The following SREBF1 variants were observed in gnomAD, a reference collection of about 807,000 sequenced individuals.
SREBF1 encodes the protein sterol regulatory element-binding protein 1.
A neutral mutation model predicts 100.1 loss-of-function variants in SREBF1; 45 were observed. The observed-to-expected ratio is 0.45, with a 90% CI of 0.35 to 0.58. The LOEUF is 0.58. Ranked by LOEUF, SREBF1 falls within the 20% of genes least tolerant of loss-of-function variation. The pLI is 0.00. For synonymous variants in SREBF1, 657 were observed against 681.8 expected (o/e 0.96, Z 0.57); for missense variants, 1,324 against 1,539.4 (o/e 0.86, Z 2.34).
At position 17,836,931 on chromosome 17, in the gene SREBF1, T is replaced by C. The variant is rs534619818; in HGVS notation, c.-114A>G. 2.1e-5 allele frequency: 21 copies of C among 979,678 alleles called. No individual in the cohort carries two copies. In the African/African-American group the frequency reaches 3.5e-4, roughly 16 times the overall value. 60.7% of individuals were successfully genotyped at this position (979,678 alleles called of 1,614,324 possible). On this transcript the variant is annotated 5_prime_UTR_variant, in exon 1 of 19. Coordinates refer to ENST00000261646, the MANE Select transcript of SREBF1 (RefSeq NM_004176.5). Reference sequence around the variant, plus strand: ...TCGCCGCCGCCGCTCCGCGCGTTCGTGTCCTGCCCTGGCCTCAGAGGCGGC... The same window carrying C: ...TCGCCGCCGCCGCTCCGCGCGTTCGCGTCCTGCCCTGGCCTCAGAGGCGGC...
At position 17,820,539 on chromosome 17, in the gene SREBF1, G is replaced by A. The variant is rs1286501411; in HGVS notation, c.92-18C>T. Reference sequence around the variant, plus strand: ...AAGCATGTCTGTGAAAAGGAGAAGAGGGTGCGTGAGTGAGGCAGAGACTGA... The same window carrying A: ...AAGCATGTCTGTGAAAAGGAGAAGAAGGTGCGTGAGTGAGGCAGAGACTGA... On this transcript the variant is annotated intron_variant, in intron 1 of 18. Transcript: ENST00000261646. The A allele has an allele frequency of 6.2e-7, 1 of 1,612,622 alleles. No homozygotes were observed. Among genetic ancestry groups the A allele is most frequent in the Non-Finnish European group, 8.5e-7 (1 of 1,179,734 alleles).
chr17:17,830,429 AGCT>A (rs1389394156), intron 1 of SREBF1, among the ~76,000 whole-genome samples: 2 of 152,274 alleles, frequency 1.3e-5, no homozygotes, highest in Admixed American at 6.5e-5. Flanking sequence ...AATTCCAAGA[AGCT>A]GCTTTTAGTA....
intron 16 of SREBF1, 67 bp from the exon 17 acceptor site, chr17:17,813,836 G>T: frequency 6.9e-7 from 1 of 1,455,002 alleles, no homozygotes; most frequent in South Asian, 1.2e-5. Flanking sequence ...ATGGGGGCCC[G>T]TGGTGCCAGG....
In SREBF1 at chr17:17,820,539, G is replaced by GGGTGC. The variant is rs777103239; in HGVS notation, c.92-23_92-19dup. 6.2e-7 allele frequency: 1 copy of GGGTGC among 1,612,622 alleles called. No homozygotes were observed. The highest frequency in any genetic ancestry group is 8.5e-7 in the Non-Finnish European group (1 of 1,179,734). On this transcript the variant is annotated intron_variant, in intron 1 of 18. Coordinates refer to ENST00000261646, the MANE Select transcript of SREBF1 (RefSeq NM_004176.5). The stretch of plus-strand genomic sequence containing the variant: ...AAGCATGTCTGTGAAAAGGAGAAGA[G>GGGTGC]GGTGCGTGAGTGAGGCAGAGACTGA...
chr17:17,827,626 G>C (rs2034571400), intron 1 of SREBF1, among the ~76,000 whole-genome samples: 1 of 152,152 alleles, frequency 6.6e-6, no homozygotes. Flanking sequence ...CCCGGAATGG[G>C]ACGCACCCAT....
intron 18 of SREBF1, 116 bp downstream of exon 18, chr17:17,813,252 C>T (rs1320797170): frequency 3.6e-5 from 40 of 1,121,916 alleles, no homozygotes; most frequent in Non-Finnish European, 4.7e-5. Flanking sequence ...TGAGCCACTG[C>T]GCCAGGCCTG....
Position 17,819,709 on chromosome 17 carries a change from G to A in SREBF1, c.540C>T (p.Asn180=). ...GCAGGCCAGGCAGCGGCTGCTGGGT[G>A]TTCCCGGGAGGGCTTCCTGCAGAAA... ...GGFSTGSPPG[N]TQQPLPGLPL... is the part of the protein sequence containing the mutation. Residue 180 remains asparagine (N), a synonymous_variant, in exon 3 of 19, where the codon AAC becomes AAT. Coordinates refer to ENST00000261646, the MANE Select transcript of SREBF1 (RefSeq NM_004176.5). 1 of 1,606,012 alleles carries A rather than the reference G, an allele frequency of 6.2e-7. No homozygotes were observed. Among genetic ancestry groups the A allele is most frequent in the South Asian group, 1.1e-5 (1 of 90,526 alleles).
chr17:17,836,606 G>A lies in SREBF1; in HGVS notation c.91+121C>T, dbSNP rs1370564790. ...ACACCGAGCTCAGAGACACCGGGAA[G>A]TCCCGCGCGAGCACAGCACGGAGCT... On this transcript the variant is annotated intron_variant, in intron 1 of 18. Transcript: ENST00000261646. 6.0e-6 allele frequency: 6 copies of A among 1,001,964 alleles called. No homozygotes were observed. The East Asian group carries it at 1.7e-4, about 28-fold the overall frequency. The allele number at this position is 1,001,964 out of a possible 1,614,324, so 62.1% of individuals were successfully genotyped here. A position where few individuals can be genotyped will look rare whatever the true frequency, so the allele number is the denominator to read the frequency against.
In SREBF1 at chr17:17,819,518, C is replaced by T; in HGVS notation, c.711+20G>A. 1 of 1,613,550 alleles carries T rather than the reference C, an allele frequency of 6.2e-7. No individual in the cohort carries two copies. Among genetic ancestry groups the T allele is most frequent in the Non-Finnish European group, 8.5e-7 (1 of 1,179,998 alleles). On this transcript the variant is annotated intron_variant, in intron 3 of 18. Coordinates refer to ENST00000261646, the MANE Select transcript of SREBF1 (RefSeq NM_004176.5). ...GGGCTGGGGCTGCCCCCTCCCCAAC[C>T]CCTGGCCAGACCCCCTCACCGGGAC...
chr17:17,831,276 C>A (rs1300266742), intron 1 of SREBF1, among the ~76,000 whole-genome samples: 1 of 151,728 alleles, frequency 6.6e-6, no homozygotes, highest in African/African-American at 2.4e-5. Flanking sequence ...GGTGGCAGAG[C>A]GGGCCCCCAT....
intron 5 of SREBF1, chr17:17,818,688 C>CGA: frequency 3.7e-6 from 2 of 546,052 alleles, no homozygotes; most frequent in South Asian, 4.0e-5. Flanking sequence ...TTCTCTGCAA[C>CGA]GAGCCAAACG....
At position 17,817,030 on chromosome 17, in the gene SREBF1, G is replaced by T. The variant is rs1424396011; in HGVS notation, c.1713C>A (p.Val571=). 23 of 1,613,034 alleles carry T rather than the reference G, an allele frequency of 1.4e-5. No homozygotes were observed. The Admixed American group carries it at 3.8e-4, about 27-fold the overall frequency. The change falls in exon 9 of 19, where the codon GTC becomes GTA. Residue 571 remains valine, a synonymous_variant. Coordinates refer to ENST00000261646, the MANE Select transcript of SREBF1 (RefSeq NM_004176.5). This position sits in a 1 kb window ranked among gnomAD's most constrained non-coding sequence, Gnocchi z 6.6. ...CGGCGGGGCCTGAGTGGGGCCGTGT[G>T]ACTGGCTCACCGTAGACAAAGAGAA... is the stretch of plus-strand genomic sequence containing the variant. ...LVLLFVYGEP[V]TRPHSGPAVY...
At position 17,813,699 on chromosome 17, in the gene SREBF1, G is replaced by A. The variant is rs200944690; in HGVS notation, c.2972C>T (p.Pro991Leu). The change falls in exon 17 of 19, where the codon CCG becomes CTG. Residue 991 changes from proline to leucine, a missense_variant. Physicochemically the swap from Pro to Leu is moderately conservative, Grantham distance 98. Transcript: ENST00000261646. The stretch of plus-strand genomic sequence containing the variant: ...GCCCTGGGCTGCTGGGGCCGGGGCC[G>A]GGGGCTGCTGCTGCCGCCACAGGCT... ...RTSLWRQQQP[P>L]APAPAAQGTS... 3,236 of 1,538,426 alleles carry A rather than the reference G, an allele frequency of 2.1e-3. 7 individuals carry two copies. The highest frequency in any genetic ancestry group is 2.4e-3 in the Non-Finnish European group (2,807 of 1,148,406).
At chr17:17,814,558 A>G (rs1159128501) in intron 15 of SREBF1, 57 bp downstream of exon 15, 11 of 1,536,144 alleles carry the variant, frequency 7.2e-6, no homozygotes, top group Non-Finnish European at 9.6e-6. Context: ...CACAGTGCCC[A>G]GGGGATGAGG....
intron 1 of SREBF1, among the ~76,000 whole-genome samples, chr17:17,826,103 G>A (rs557676461): frequency 6.6e-6 from 1 of 152,242 alleles, no homozygotes; most frequent in East Asian, 1.9e-4. Flanking sequence ...CCACACCTAC[G>A]ATCTCCAGAG....
At chr17:17,812,984 TC>T in intron 18 of SREBF1, 133 bp from the exon 19 acceptor site, 1 of 764,106 alleles carries the variant, frequency 1.3e-6, no homozygotes, top group East Asian at 2.8e-5. Context: ...CCTGGCGGGT[TC>T]CCCTCTCCCC....
Position 17,817,781 on chromosome 17 carries a change from G to C in SREBF1, c.1319C>G (p.Pro440Arg), listed in dbSNP as rs149397348. Residue 440 changes from proline (P) to arginine (R), a missense_variant, in exon 7 of 19, where the codon CCC becomes CGC. Coordinates refer to ENST00000261646, the MANE Select transcript of SREBF1 (RefSeq NM_004176.5). The surrounding 1 kb of genome is among the most constrained non-coding windows in gnomAD (Gnocchi z 6.6). Reference sequence around the variant, plus strand: ...ACTGCCCCTGCTGCCAAGGGACAAGGGGCTGCTCTGGAAAGGTGAGCCAGC... The same window carrying C: ...ACTGCCCCTGCTGCCAAGGGACAAGCGGCTGCTCTGGAAAGGTGAGCCAGC... ...SDAGSPFQSSPLSLGSRGSGS... is the reference protein window; with the variant it reads ...SDAGSPFQSSRLSLGSRGSGS... 6.6e-5 allele frequency: 106 copies of C among 1,613,816 alleles called. No homozygotes were observed. The highest frequency in any genetic ancestry group is 8.5e-5 in the Non-Finnish European group (100 of 1,180,014).
At chr17:17,818,215 G>C (rs770910678) in intron 6 of SREBF1, 45 bp downstream of exon 6, 26 of 1,544,822 alleles carry the variant, frequency 1.7e-5, no homozygotes, top group African/African-American at 8.2e-5. Flanking sequence ...GTGGAGCAAG[G>C]CTAGAGAAGA....
At chr17:17,829,645 T>C (rs1207079878) in intron 1 of SREBF1, among the ~76,000 whole-genome samples, 1 of 152,152 alleles carries the variant, frequency 6.6e-6, no homozygotes, top group South Asian at 2.1e-4. Context: ...CAGCAGGTTC[T>C]TTTTGTTTGT....
Sources: gnomAD v4.1 joint callset for allele counts (sites outside exome capture counted in the v4.1 genomes callset) on GRCh38, gnomAD v4.1.1 for gene constraint, Gnocchi (gnomAD v3.1) non-coding constraint, MANE v1.5 for transcripts, NCBI Gene and HGNC (gene_info 2026-07-23, HGNC 2026-07-21) for gene names.